The following TMEM135 variants were observed in gnomAD, a reference collection of about 807,000 sequenced individuals.
TMEM135 encodes the protein peroxisomal membrane protein 52.
TMEM135 carries 30 observed loss-of-function variants against 60.3 expected under a neutral mutation model. The ratio of observed to expected loss-of-function variants is 0.50; its 90% CI spans 0.37 to 0.68. The LOEUF is 0.68. TMEM135 is among the 30% of genes least tolerant of loss of function. The pLI, the probability that TMEM135 is intolerant of heterozygous loss-of-function variation, is 0.00. For missense variants in TMEM135, 468 were observed against 548.8 expected, an observed-to-expected ratio of 0.85 and a Z score of 1.47; for synonymous variants, 190 against 186.7, an observed-to-expected ratio of 1.02 and a Z score of -0.14.
At chr11:87,296,527 T>C (rs574536073) in intron 7 of TMEM135, among the ~76,000 whole-genome samples, 1 of 152,170 alleles carries the variant, frequency 6.6e-6, no homozygotes, top group African/African-American at 2.4e-5. Flanking sequence ...AAAGGACATA[T>C]AGTAGATGCT....
chr11:87,086,067 C>G (rs1260907010), intron 3 of TMEM135, among the ~76,000 whole-genome samples: 1 of 152,144 alleles, frequency 6.6e-6, no homozygotes, highest in Non-Finnish European at 1.5e-5. Context: ...CTGATCACTT[C>G]TTTGCTAATA....
chr11:87,054,650 TCTTA>T (rs1949875038), intron 1 of TMEM135, among the ~76,000 whole-genome samples: 1 of 152,210 alleles, frequency 6.6e-6, no homozygotes, highest in East Asian at 1.9e-4. Context: ...GTTTCTTGAT[TCTTA>T]CTTGATCTTG....
chr11:87,316,028 A>C (rs573256011), intron 12 of TMEM135, among the ~76,000 whole-genome samples: 186 of 152,010 alleles, frequency 1.2e-3, no homozygotes, highest in African/African-American at 4.3e-3. Flanking sequence ...TCTTCTCTGT[A>C]ATGGCTCCTA....
At chr11:87,297,213 C>G (rs1192118111) in intron 7 of TMEM135, among the ~76,000 whole-genome samples, 2 of 152,124 alleles carry the variant, frequency 1.3e-5, no homozygotes, top group Non-Finnish European at 2.9e-5. Context: ...TTCCTTCTTT[C>G]TCTTCCCCTC....
intron 6 of TMEM135, among the ~76,000 whole-genome samples, chr11:87,291,912 C>G (rs925818288): frequency 6.6e-6 from 1 of 152,136 alleles, no homozygotes; most frequent in Non-Finnish European, 1.5e-5. Flanking sequence ...AAAGTTCTTA[C>G]GTTGCCTAAA....
intron 5 of TMEM135, among the ~76,000 whole-genome samples, chr11:87,232,232 T>G (rs1256347369): frequency 3.9e-5 from 6 of 152,162 alleles, no homozygotes; most frequent in African/African-American, 1.4e-4. Context: ...GTTACAGGGA[T>G]GAGCCATCGC....
At chr11:87,137,860 A>G (rs1305300022) in intron 4 of TMEM135, among the ~76,000 whole-genome samples, 1 of 151,952 alleles carries the variant, frequency 6.6e-6, no homozygotes, top group Non-Finnish European at 1.5e-5. Flanking sequence ...ACAAAAGTAC[A>G]CTCTTCTTTA....
intron 1 of TMEM135, among the ~76,000 whole-genome samples, chr11:87,057,207 C>T (rs935782653): frequency 1.3e-5 from 2 of 152,038 alleles, no homozygotes; most frequent in African/African-American, 4.8e-5. Flanking sequence ...TCTTGAAAGC[C>T]TATCTCAACT....
At chr11:87,175,226 T>A (rs1355571057) in intron 5 of TMEM135, among the ~76,000 whole-genome samples, 1 of 152,194 alleles carries the variant, frequency 6.6e-6, no homozygotes, top group Non-Finnish European at 1.5e-5. Context: ...AATTTATACT[T>A]CATGCCAGAA....
intron 5 of TMEM135, among the ~76,000 whole-genome samples, chr11:87,173,058 A>C (rs997046416): frequency 1.3e-5 from 2 of 152,042 alleles, no homozygotes; most frequent in Non-Finnish European, 2.9e-5. Flanking sequence ...GAAACCTAGA[A>C]GTAAACTCTC....
chr11:87,097,772 C>T (rs764351135), intron 4 of TMEM135, among the ~76,000 whole-genome samples: 7 of 152,316 alleles, frequency 4.6e-5, no homozygotes, highest in Non-Finnish European at 8.8e-5. Flanking sequence ...GAGCTCTTAT[C>T]GCTAGATATC....
At chr11:87,231,061 G>C (rs992167970) in intron 5 of TMEM135, among the ~76,000 whole-genome samples, 1 of 152,148 alleles carries the variant, frequency 6.6e-6, no homozygotes, top group East Asian at 1.9e-4. Flanking sequence ...GGAAACAAAT[G>C]TGCTCTACAG....
At position 87,322,808 on chromosome 11, in the gene TMEM135, A is replaced by G; in HGVS notation, c.*1475A>G. The G allele has an allele frequency of 2.2e-6, 1 of 454,410 alleles. No homozygotes were observed. Among genetic ancestry groups the G allele is most frequent in the Non-Finnish European group, 4.4e-6 (1 of 226,744 alleles). 28.1% of individuals were successfully genotyped at this position (454,410 alleles called of 1,614,324 possible). A position where few individuals can be genotyped will look rare whatever the true frequency, so the allele number is the denominator to read the frequency against. On this transcript the variant is annotated 3_prime_UTR_variant, in exon 15 of 15. Transcript: ENST00000305494. ...CAACAAAAAGACAGACTCTGGTACT[A>G]TGGTAACAGAGCCACTTTATCATTT...
intron 6 of TMEM135, among the ~76,000 whole-genome samples, chr11:87,274,120 T>C (rs984180014): frequency 6.6e-6 from 1 of 152,174 alleles, no homozygotes; most frequent in African/African-American, 2.4e-5. Context: ...TGGGTAGTAG[T>C]AATAATTCAG....
chr11:87,328,555 C>T lies in TMEM135; in HGVS notation c.*7222C>T, dbSNP rs1279646452. On this transcript the variant is annotated 3_prime_UTR_variant, in exon 15 of 15. Transcript: ENST00000305494. ...TATCACTCTGTATACCCTTGTGTAT[C>T]CATAGCTTAGCTCCCACTTACAGTT... The T allele has an allele frequency of 2.2e-6, 1 of 454,064 alleles. No individual in the cohort carries two copies. The allele number at this position is 454,064 out of a possible 1,614,324, so 28.1% of individuals were successfully genotyped here.
chr11:87,068,735 C>T (rs1226414772), intron 2 of TMEM135, among the ~76,000 whole-genome samples: 1 of 149,892 alleles, frequency 6.7e-6, no homozygotes, highest in East Asian at 2.0e-4. Flanking sequence ...GGCATAAACC[C>T]GGGAGGCGGA....
chr11:87,268,794 G>A (rs1355056729), intron 6 of TMEM135, among the ~76,000 whole-genome samples: 2 of 151,728 alleles, frequency 1.3e-5, no homozygotes, highest in African/African-American at 4.8e-5. Context: ...AGTGTATTTC[G>A]GTCAGAAGTG....
chr11:87,210,427 A>G (rs1428568557), intron 5 of TMEM135, among the ~76,000 whole-genome samples: 1 of 152,204 alleles, frequency 6.6e-6, no homozygotes, highest in African/African-American at 2.4e-5. Context: ...AAATGAATAA[A>G]TTCTTGGAAA....
intron 4 of TMEM135, among the ~76,000 whole-genome samples, chr11:87,148,194 A>G (rs897673642): frequency 2.0e-5 from 3 of 152,346 alleles, no homozygotes; most frequent in Admixed American, 6.5e-5. Flanking sequence ...AGAATTTACT[A>G]TAGGTAAATT....
Sources: gnomAD v4.1 joint callset for allele counts (sites outside exome capture counted in the v4.1 genomes callset) on GRCh38, gnomAD v4.1.1 for gene constraint, MANE v1.5 for transcripts, NCBI Gene and HGNC (gene_info 2026-07-23, HGNC 2026-07-21) for gene names.